Variants in CNTNAP2 observed in about 807,000 individuals in gnomAD.
CNTNAP2 encodes the protein contactin-associated protein-like 2.
A neutral mutation model predicts 155.2 loss-of-function variants in CNTNAP2; 98 were observed. The ratio of observed to expected loss-of-function variants is 0.63; its 90% CI spans 0.54 to 0.75. The LOEUF is 0.75. CNTNAP2 is among the 30% of genes least tolerant of loss of function. The pLI is 0.00. For missense variants in CNTNAP2, 1,727 were observed against 1,688.1 expected, an observed-to-expected ratio of 1.02 and a Z score of -0.40; for synonymous variants, 651 against 631.2, an observed-to-expected ratio of 1.03 and a Z score of -0.47.
At chr7:147,179,575 C>T (rs1802414738) in intron 8 of CNTNAP2, among the ~76,000 whole-genome samples, 1 of 152,056 alleles carries the variant, frequency 6.6e-6, no homozygotes, top group African/African-American at 2.4e-5. Context: ...ACCAGTTGAC[C>T]CATTTTGTTA....
chr7:147,918,705 C>T (rs1266271672), intron 14 of CNTNAP2, among the ~76,000 whole-genome samples: 1 of 152,108 alleles, frequency 6.6e-6, no homozygotes, highest in Non-Finnish European at 1.5e-5. Context: ...AACAGAAAAA[C>T]TACCCTTATG....
At chr7:146,892,063 A>G (rs965198350) in intron 3 of CNTNAP2, among the ~76,000 whole-genome samples, 1 of 152,116 alleles carries the variant, frequency 6.6e-6, no homozygotes, top group African/African-American at 2.4e-5. Context: ...TTACTCATGA[A>G]TTTACAACTT....
At chr7:147,201,775 T>C (rs62481845) in intron 8 of CNTNAP2, among the ~76,000 whole-genome samples, 2,836 of 152,324 alleles carry the variant, frequency 0.019, 45 homozygotes, top group Non-Finnish European at 0.031. Context: ...ACTTTCACAG[T>C]TCAGTAAGAT....
intron 1 of CNTNAP2, among the ~76,000 whole-genome samples, chr7:146,151,556 A>T (rs1798038138): frequency 6.8e-6 from 1 of 146,378 alleles, no homozygotes; most frequent in African/African-American, 2.5e-5. Flanking sequence ...CTGTGTGTTC[A>T]TTGAAGCGTT....
chr7:147,898,868 C>T (rs1375557134), intron 13 of CNTNAP2, among the ~76,000 whole-genome samples: 1 of 152,196 alleles, frequency 6.6e-6, no homozygotes, highest in Non-Finnish European at 1.5e-5. Flanking sequence ...GACATTACCT[C>T]TGTTAGATTC....
chr7:146,483,051 C>T (rs1216725261), intron 1 of CNTNAP2, among the ~76,000 whole-genome samples: 1 of 150,784 alleles, frequency 6.6e-6, no homozygotes, highest in Non-Finnish European at 1.5e-5. Context: ...CCGAGGCAGG[C>T]GGATCATGAG....
chr7:147,471,239 C>A (rs7783548), intron 10 of CNTNAP2, among the ~76,000 whole-genome samples: 121,460 of 152,152 alleles, frequency 0.8, 49,127 homozygotes, highest in African/African-American at 0.94. Flanking sequence ...CTCTTGCATA[C>A]AAAGTTTAAC....
intron 8 of CNTNAP2, among the ~76,000 whole-genome samples, chr7:147,136,788 A>G (rs1437156625): frequency 1.3e-5 from 2 of 152,004 alleles, no homozygotes; most frequent in Non-Finnish European, 2.9e-5. Flanking sequence ...TCATATGAGA[A>G]AAAAGGTCTC....
intron 13 of CNTNAP2, among the ~76,000 whole-genome samples, chr7:147,661,054 G>A (rs1795601415): frequency 6.6e-6 from 1 of 151,942 alleles, no homozygotes; most frequent in South Asian, 2.1e-4. Context: ...CCTGCCTATG[G>A]CTATTGAAAA....
intron 1 of CNTNAP2, among the ~76,000 whole-genome samples, chr7:146,173,688 C>T (rs1354696701): frequency 2.0e-5 from 3 of 151,966 alleles, no homozygotes; most frequent in African/African-American, 7.3e-5. Context: ...CAATAATTTC[C>T]ATGAGAACTA....
intron 21 of CNTNAP2, among the ~76,000 whole-genome samples, chr7:148,302,525 C>A (rs1797412629): frequency 6.6e-6 from 1 of 152,084 alleles, no homozygotes; most frequent in African/African-American, 2.4e-5. Context: ...ACTCTGTGTC[C>A]CCACCCAAAT....
intron 8 of CNTNAP2, among the ~76,000 whole-genome samples, chr7:147,182,883 C>G (rs539879810): frequency 4.1e-4 from 62 of 152,164 alleles, no homozygotes; most frequent in African/African-American, 1.3e-3. Context: ...CATCTTCATA[C>G]TTATTAGAAA....
chr7:147,850,972 A>G (rs958083733), intron 13 of CNTNAP2, among the ~76,000 whole-genome samples: 2 of 152,252 alleles, frequency 1.3e-5, no homozygotes, highest in African/African-American at 2.4e-5. Flanking sequence ...AACTACCAGC[A>G]GAGTGAACAG....
At chr7:147,834,653 C>T (rs150913792) in intron 13 of CNTNAP2, among the ~76,000 whole-genome samples, 2 of 152,236 alleles carry the variant, frequency 1.3e-5, no homozygotes, top group East Asian at 3.9e-4. Flanking sequence ...AGTTTGGTGG[C>T]TACATGAACT....
At chr7:146,424,621 C>A (rs1796061576) in intron 1 of CNTNAP2, among the ~76,000 whole-genome samples, 1 of 152,124 alleles carries the variant, frequency 6.6e-6, no homozygotes, top group Non-Finnish European at 1.5e-5. Context: ...GCACAATGGA[C>A]TCCTATTATC....
At chr7:148,008,697 A>C (rs1282656695) in intron 15 of CNTNAP2, among the ~76,000 whole-genome samples, 1 of 152,184 alleles carries the variant, frequency 6.6e-6, no homozygotes. Flanking sequence ...GTGTAGTTCA[A>C]TTCATTTAAC....
At chr7:148,074,322 T>G (rs1191500594) in intron 15 of CNTNAP2, among the ~76,000 whole-genome samples, 6 of 152,222 alleles carry the variant, frequency 3.9e-5, no homozygotes, top group South Asian at 2.1e-4. Flanking sequence ...TAATATTCGA[T>G]GAAAGGACTT....
rs1258335845 is a variant in CNTNAP2, at chr7:146,711,582, C to T, written c.98-62689C>T. 2.7e-5 allele frequency among the ~76,000 whole-genome samples: 4 copies of T among 149,332 alleles called. No individual in the cohort carries two copies. In the East Asian group the frequency reaches 7.9e-4, roughly 29 times the overall value. On this transcript the variant is annotated intron_variant, in intron 1 of 23. Coordinates refer to ENST00000361727, the MANE Select transcript of CNTNAP2 (RefSeq NM_014141.6). The stretch of plus-strand genomic sequence containing the variant: ...TAGAAACACCATACTGTATTCAAAA[C>T]AACTAGTTTCTAATCATGGAATTAA...
chr7:147,211,266 C>A (rs1210430137), intron 8 of CNTNAP2, among the ~76,000 whole-genome samples: 1 of 151,914 alleles, frequency 6.6e-6, no homozygotes, highest in African/African-American at 2.4e-5. Flanking sequence ...CTGTCTAGTT[C>A]TTTTCATAGG....
Sources: allele counts gnomAD v4.1 joint callset (sites outside exome capture counted in the v4.1 genomes callset), GRCh38; gene constraint gnomAD v4.1.1; transcripts MANE v1.5; gene names NCBI Gene and HGNC (gene_info 2026-07-23, HGNC 2026-07-21).